The following PLXDC2 variants were observed in gnomAD, a reference collection of about 807,000 sequenced individuals.
PLXDC2 encodes plexin domain containing 2.
In PLXDC2, 40 loss-of-function variants were observed where a neutral mutation model predicts 68.9. The ratio of observed to expected loss-of-function variants is 0.58; its 90% CI spans 0.45 to 0.76. The LOEUF (loss-of-function observed/expected upper bound fraction) is 0.76. Among genes scored for constraint, PLXDC2 ranks in the 30% least tolerant of loss-of-function variants. PLXDC2 has a pLI of 0.00. For missense variants in PLXDC2, 644 were observed against 661.9 expected, an observed-to-expected ratio of 0.97 and a Z score of 0.30; for synonymous variants, 243 against 234.2, an observed-to-expected ratio of 1.04 and a Z score of -0.34.
intron 1 of PLXDC2, among the ~76,000 whole-genome samples, chr10:19,906,479 A>T (rs987689769): frequency 2.0e-5 from 3 of 152,194 alleles, no homozygotes; most frequent in African/African-American, 7.2e-5. Flanking sequence ...GAATACTTTT[A>T]GTGGATTCTG....
intron 1 of PLXDC2, among the ~76,000 whole-genome samples, chr10:19,867,193 G>A (rs1837436504): frequency 6.6e-6 from 1 of 151,162 alleles, no homozygotes; most frequent in African/African-American, 2.4e-5. Context: ...AGCCTCTTGA[G>A]TATCTGGGAT....
intron 1 of PLXDC2, among the ~76,000 whole-genome samples, chr10:19,916,383 A>G (rs141085385): frequency 1.1e-4 from 17 of 150,852 alleles, no homozygotes; most frequent in Non-Finnish European, 2.2e-4. Context: ...TCCTGACCTC[A>G]GGTGATCCGC....
At chr10:20,022,377 G>T (rs1317906146) in intron 2 of PLXDC2, among the ~76,000 whole-genome samples, 1 of 152,086 alleles carries the variant, frequency 6.6e-6, no homozygotes, top group Non-Finnish European at 1.5e-5. Flanking sequence ...AAAGAAAATG[G>T]GTGCAGAGAC....
chr10:20,069,034 A>G (rs539347901), intron 4 of PLXDC2, among the ~76,000 whole-genome samples: 1 of 152,172 alleles, frequency 6.6e-6, no homozygotes, highest in Non-Finnish European at 1.5e-5. Flanking sequence ...ATTGAAAGAA[A>G]TTCCATAGGT....
chr10:20,257,732 G>A (rs918021381), intron 13 of PLXDC2, among the ~76,000 whole-genome samples: 1 of 152,154 alleles, frequency 6.6e-6, no homozygotes, highest in African/African-American at 2.4e-5. Context: ...TGAAACAGAA[G>A]AAAGTGACAT....
chr10:20,255,236 C>A (rs1173935244), intron 13 of PLXDC2, among the ~76,000 whole-genome samples: 1 of 147,414 alleles, frequency 6.8e-6, no homozygotes, highest in Non-Finnish European at 1.5e-5. Context: ...TAGATAGATA[C>A]CACAGAAAGA....
chr10:20,172,248 A>AG lies in PLXDC2; in HGVS notation c.884-4751_884-4750insG, dbSNP rs1366642956. On this transcript the variant is annotated intron_variant, in intron 7 of 13. Coordinates refer to ENST00000377252, the MANE Select transcript of PLXDC2 (RefSeq NM_032812.9). ...TGAAAAGGAAAAAAAAAAAAAAAAA[A>AG]AGAGAGAGAGAGATGTAATGACTTG... Among the ~76,000 whole-genome samples the AG allele has an allele frequency of 6.2e-3, 935 of 150,418 alleles. 10 individuals are homozygous for AG. The highest frequency in any genetic ancestry group is 0.021 in the African/African-American group (866 of 40,602).
chr10:19,996,056 G>T (rs762688201), intron 1 of PLXDC2, among the ~76,000 whole-genome samples: 1 of 152,184 alleles, frequency 6.6e-6, no homozygotes, highest in Non-Finnish European at 1.5e-5. Flanking sequence ...GGAGTCATTC[G>T]AGGCTTGTCA....
chr10:19,961,285 A>G (rs543305476), intron 1 of PLXDC2, among the ~76,000 whole-genome samples: 4 of 152,388 alleles, frequency 2.6e-5, no homozygotes, highest in Admixed American at 2.0e-4. Context: ...ATCAACATGC[A>G]TCATGACAAT....
At chr10:20,159,129 A>G (rs1834257052) in intron 6 of PLXDC2, among the ~76,000 whole-genome samples, 1 of 152,142 alleles carries the variant, frequency 6.6e-6, no homozygotes, top group South Asian at 2.1e-4. Context: ...TAAAGTGGTC[A>G]TCCCTCTCCA....
At chr10:19,943,477 A>G (rs1326034548) in intron 1 of PLXDC2, among the ~76,000 whole-genome samples, 1 of 152,236 alleles carries the variant, frequency 6.6e-6, no homozygotes, top group African/African-American at 2.4e-5. Context: ...TTGAGAAGAC[A>G]TTATGTAAAA....
At chr10:20,174,059 G>A (rs1437546577) in intron 7 of PLXDC2, among the ~76,000 whole-genome samples, 2 of 152,094 alleles carry the variant, frequency 1.3e-5, no homozygotes, top group South Asian at 2.1e-4. Context: ...ATCATTGTTA[G>A]TAGTTGAGAA....
At chr10:19,904,488 C>A (rs1414788517) in intron 1 of PLXDC2, among the ~76,000 whole-genome samples, 1 of 152,078 alleles carries the variant, frequency 6.6e-6, no homozygotes, top group African/African-American at 2.4e-5. Flanking sequence ...AACCCCTGCC[C>A]ACCCCCAGCA....
chr10:19,935,597 A>G (rs984668671), intron 1 of PLXDC2, among the ~76,000 whole-genome samples: 12 of 152,328 alleles, frequency 7.9e-5, no homozygotes, highest in Non-Finnish European at 1.2e-4. Flanking sequence ...CAAGAGGCAA[A>G]GAGATGCTTG....
chr10:19,911,017 A>G (rs1360209799), intron 1 of PLXDC2, among the ~76,000 whole-genome samples: 1 of 151,736 alleles, frequency 6.6e-6, no homozygotes, highest in Non-Finnish European at 1.5e-5. Context: ...TCAGAAAACA[A>G]AAAACAAAAC....
At chr10:19,819,033 C>G (rs761850521) in intron 1 of PLXDC2, among the ~76,000 whole-genome samples, 1 of 58,170 alleles carries the variant, frequency 1.7e-5, no homozygotes, top group East Asian at 5.6e-4. Flanking sequence ...TATATGTATA[C>G]ACACACACAC....
chr10:20,254,099 T>C (rs1487935778), intron 13 of PLXDC2, among the ~76,000 whole-genome samples: 1 of 152,186 alleles, frequency 6.6e-6, no homozygotes, highest in Admixed American at 6.5e-5. Context: ...CCCTATAGCC[T>C]GAGAAGCTAC....
At position 20,284,330 on chromosome 10, in the gene PLXDC2, T is replaced by TACACACAC. The variant is rs550194481; in HGVS notation, c.*4527_*4534dup. The TACACACAC allele has an allele frequency of 7.9e-6, 1 of 126,338 alleles. No individual in the cohort carries two copies. The highest frequency in any genetic ancestry group is 1.7e-5 in the Non-Finnish European group (1 of 59,670). 7.8% of individuals were successfully genotyped at this position (126,338 alleles called of 1,614,324 possible). A position where few individuals can be genotyped will look rare whatever the true frequency, so the allele number is the denominator to read the frequency against. On this transcript the variant is annotated 3_prime_UTR_variant, in exon 14 of 14. Coordinates refer to ENST00000377252, the MANE Select transcript of PLXDC2 (RefSeq NM_032812.9). ...AAATATACATATATATATATATATA[T>TACACACAC]ACACACACACACACACACACACAAA...
chr10:20,128,063 GA>G (rs1229175730), intron 4 of PLXDC2, among the ~76,000 whole-genome samples: 2 of 152,116 alleles, frequency 1.3e-5, no homozygotes, highest in African/African-American at 4.8e-5. Flanking sequence ...CACAAACATG[GA>G]AGTGGAATAA....
Sources: allele counts gnomAD v4.1 joint callset (sites outside exome capture counted in the v4.1 genomes callset), GRCh38; gene constraint gnomAD v4.1.1; transcripts MANE v1.5; gene names NCBI Gene and HGNC (gene_info 2026-07-23, HGNC 2026-07-21).